Variants in LGI4 observed in about 807,000 individuals in gnomAD.
LGI4 encodes leucine rich repeat LGI family member 4, also known as leucine-rich repeat LGI family member 4.
A neutral mutation model predicts 48.3 loss-of-function variants in LGI4; 36 were observed. That is an observed-to-expected ratio of 0.75 (90% confidence interval 0.57 to 0.98). The LOEUF is 0.98. Ranked by LOEUF, LGI4 falls within the 50% of genes least tolerant of loss-of-function variation. LGI4 has a pLI of 0.00. For synonymous variants in LGI4, 355 were observed against 331.6 expected, an observed-to-expected ratio of 1.07 and a Z score of -0.77; for missense variants, 701 against 732.1, an observed-to-expected ratio of 0.96 and a Z score of 0.49.
Position 35,126,529 on chromosome 19 carries a change from C to T in LGI4, c.1040G>A (p.Arg347His), listed in dbSNP as rs1266368028. Reference protein sequence around the residue: ...SKAGSTTLLCRDGPGFYPHQS... With the variant: ...SKAGSTTLLCHDGPGFYPHQS... ...GTGCGGGTAAAAGCCGGGCCCGTCG[C>T]GGCACAGCAGCGTGGTGCTGCCCGC... is the stretch of plus-strand genomic sequence containing the variant. Residue 347 changes from arginine (R) to histidine (H), a missense_variant, in exon 8 of 9, where the codon CGC becomes CAC. This residue lies in a region of LGI4 where 16 missense variants were observed against 32.5 expected (regional missense o/e 0.49). Transcript: ENST00000310123. The T allele has an allele frequency of 3.2e-6, 5 of 1,542,914 alleles. No individual in the cohort carries two copies. Among genetic ancestry groups the T allele is most frequent in the East Asian group, 2.4e-5 (1 of 41,476 alleles).
intron 6 of LGI4, among the ~76,000 whole-genome samples, chr19:35,128,156 G>A (rs2065152633): frequency 6.6e-6 from 1 of 152,242 alleles, no homozygotes; most frequent in Non-Finnish European, 1.5e-5. Context: ...TACCTGGACA[G>A]CTCACTCCAG....
In LGI4 at chr19:35,133,397, T is replaced by C. The variant is rs1162408553; in HGVS notation, c.314+296A>G. On this transcript the variant is annotated intron_variant, in intron 3 of 8. Transcript: ENST00000310123. Reference sequence around the variant, plus strand: ...TACACCCTTCCTGGGTTTCTATGAGTCAGGGAGAGCCAGAATCAGGCTCTG... The same window carrying C: ...TACACCCTTCCTGGGTTTCTATGAGCCAGGGAGAGCCAGAATCAGGCTCTG... 8.8e-6 allele frequency: 11 copies of C among 1,247,278 alleles called. No homozygotes were observed. The East Asian group carries it at 4.3e-4, about 49-fold the overall frequency. The allele number at this position is 1,247,278 out of a possible 1,614,324, so 77.3% of individuals were successfully genotyped here.
chr19:35,128,959 A>T (rs149916710), intron 6 of LGI4, among the ~76,000 whole-genome samples: 2 of 152,118 alleles, frequency 1.3e-5, no homozygotes, highest in Non-Finnish European at 2.9e-5. Context: ...GAGACCTAAC[A>T]TCCCCACTTG....
At chr19:35,126,026 C>T in intron 8 of LGI4, 1 of 588,164 alleles carries the variant, frequency 1.7e-6, no homozygotes, top group South Asian at 2.0e-5. Flanking sequence ...GTCTGGAATG[C>T]ATCCGAGTCA....
chr19:35,129,869 G>A (rs773397759), intron 6 of LGI4, among the ~76,000 whole-genome samples: 2 of 152,078 alleles, frequency 1.3e-5, no homozygotes, highest in Non-Finnish European at 2.9e-5. Context: ...CCCTGGGAAC[G>A]GAATGTCTCG....
chr19:35,133,354 T>A, intron 3 of LGI4: 1 of 1,136,432 alleles, frequency 8.8e-7, no homozygotes, highest in South Asian at 2.5e-5. Context: ...TTGAAACGTT[T>A]CTTGTCTCTG....
intron 5 of LGI4, 104 bp downstream of exon 5, chr19:35,131,685 A>T (rs946838636): frequency 2.2e-6 from 3 of 1,388,128 alleles, no homozygotes; most frequent in Non-Finnish European, 9.9e-7. Context: ...CGTAAGAACC[A>T]CTGCAGCCAA....
intron 6 of LGI4, among the ~76,000 whole-genome samples, chr19:35,130,671 T>C (rs2065168490): frequency 6.6e-6 from 1 of 152,214 alleles, no homozygotes; most frequent in Non-Finnish European, 1.5e-5. Context: ...CACTCCAGCC[T>C]GGGCAAGAGA....
intron 4 of LGI4, 27 bp from the exon 5 acceptor site, chr19:35,131,887 A>G (rs1449029663): frequency 6.4e-7 from 1 of 1,563,590 alleles, no homozygotes; most frequent in South Asian, 1.2e-5. Flanking sequence ...AGGCACCGTC[A>G]GCAGCCACAA....
In LGI4 at chr19:35,132,143, A is replaced by G. The variant is rs2065180270; in HGVS notation, c.315-101T>C. ...CTGGAAGGTGCTGAATTCTCTTCCAATACCACGGACAATCCCAGGGAAAGC... is the reference window on the plus strand; with the variant it reads ...CTGGAAGGTGCTGAATTCTCTTCCAGTACCACGGACAATCCCAGGGAAAGC... On this transcript the variant is annotated intron_variant, in intron 3 of 8. Transcript: ENST00000310123. 1.0e-5 allele frequency: 10 copies of G among 961,174 alleles called. No homozygotes were observed. The South Asian group carries it at 1.1e-4, about 11-fold the overall frequency. The allele number at this position is 961,174 out of a possible 1,614,324, so 59.5% of individuals were successfully genotyped here. A position where few individuals can be genotyped will look rare whatever the true frequency, so the allele number is the denominator to read the frequency against.
At chr19:35,127,275 T>C (rs1183462423) in intron 6 of LGI4, among the ~76,000 whole-genome samples, 1 of 152,140 alleles carries the variant, frequency 6.6e-6, no homozygotes, top group South Asian at 2.1e-4. Context: ...GCCTCCACCT[T>C]CTAGGCTCAA....
At chr19:35,133,593 C>A in intron 3 of LGI4, 100 bp downstream of exon 3, 1 of 1,493,944 alleles carries the variant, frequency 6.7e-7, no homozygotes, top group South Asian at 1.3e-5. Flanking sequence ...CAAACACCTG[C>A]TCCTCAGGGC....
At chr19:35,133,204 G>T in intron 3 of LGI4, 1 of 282,272 alleles carries the variant, frequency 3.5e-6, no homozygotes. Flanking sequence ...TCAACGCCAT[G>T]ACCCACACCA....
rs1487272542 is a variant in LGI4, at chr19:35,134,860, T to C, written c.-180A>G. ...GCCTTCCTCCCTGTTCGTATGTCTT[T>C]GGTGTCTAATTTTCTGTTTCTCTTT... On this transcript the variant is annotated 5_prime_UTR_variant, in exon 1 of 9. Transcript: ENST00000310123. The C allele has an allele frequency of 1.1e-5, 6 of 528,082 alleles. No homozygotes were observed. The highest frequency in any genetic ancestry group is 2.0e-5 in the African/African-American group (1 of 50,346). The allele number at this position is 528,082 out of a possible 1,614,324, so 32.7% of individuals were successfully genotyped here.
In LGI4 at chr19:35,125,364, A is replaced by G; in HGVS notation, c.1443T>C (p.Leu481=). Residue 481 remains leucine, a synonymous_variant, in exon 9 of 9, where the codon CTT becomes CTC. Coordinates refer to ENST00000310123, the MANE Select transcript of LGI4 (RefSeq NM_139284.3). ...SDFAFSQVLR[L]EPDKGLLEPL... is the part of the protein sequence containing the mutation. ...GCTCCAGGAGCCCCTTGTCAGGCTC[A>G]AGGCGGAGGACCTGGCTGAAGGCGA... 6.2e-7 allele frequency: 1 copy of G among 1,613,462 alleles called. No homozygotes were observed. The highest frequency in any genetic ancestry group is 8.5e-7 in the Non-Finnish European group (1 of 1,179,652).
In LGI4 at chr19:35,134,640, G is replaced by A. The variant is rs766687974; in HGVS notation, c.41C>T (p.Ala14Val). ...AGILLLLLAG[A>V]GVVVAWRPPK... ...GGGTCTCCAGGCCACCACCACCCCCGCCCCAGCCAGCAGCAGCAGCAGAAT... is the reference window on the plus strand; with the variant it reads ...GGGTCTCCAGGCCACCACCACCCCCACCCCAGCCAGCAGCAGCAGCAGAAT... The change falls in exon 1 of 9, where the codon GCG (alanine) becomes GTG (valine). Residue 14 changes from alanine (A) to valine (V), a missense_variant. By Grantham distance (64) the Ala-to-Val change is moderately conservative. Transcript: ENST00000310123. The A allele has an allele frequency of 1.7e-5, 13 of 774,634 alleles. No homozygotes were observed. The highest frequency in any genetic ancestry group is 1.5e-4 in the South Asian group (9 of 61,776). 48.0% of individuals were successfully genotyped at this position (774,634 alleles called of 1,614,324 possible).
At position 35,125,088 on chromosome 19, in the gene LGI4, C is replaced by G. The variant is rs1461077637; in HGVS notation, c.*105G>C. The G allele has an allele frequency of 2.0e-6, 2 of 980,206 alleles. No homozygotes were observed. Among genetic ancestry groups the G allele is most frequent in the African/African-American group, 3.2e-5 (2 of 61,662 alleles). The allele number at this position is 980,206 out of a possible 1,614,324, so 60.7% of individuals were successfully genotyped here. A position where few individuals can be genotyped will look rare whatever the true frequency, so the allele number is the denominator to read the frequency against. ...TAGACGTGTGGCTGATGAACGTGGCCCACGGTCAGCAGCTCACAGGCGGGC... is the reference window on the plus strand; with the variant it reads ...TAGACGTGTGGCTGATGAACGTGGCGCACGGTCAGCAGCTCACAGGCGGGC... On this transcript the variant is annotated 3_prime_UTR_variant, in exon 9 of 9. Coordinates refer to ENST00000310123, the MANE Select transcript of LGI4 (RefSeq NM_139284.3).
chr19:35,126,249 C>A, intron 8 of LGI4, 21 bp downstream of exon 8: 3 of 1,606,716 alleles, frequency 1.9e-6, no homozygotes, highest in Admixed American at 3.4e-5. Context: ...GCCAGCCCCC[C>A]GCCCCCAGGC....
rs759825938 is a variant in LGI4, at chr19:35,131,966, C to T, written c.386+5G>A. 8.8e-6 allele frequency: 14 copies of T among 1,587,054 alleles called. No homozygotes were observed. The highest frequency in any genetic ancestry group is 2.3e-5 in the East Asian group (1 of 43,784). On this transcript the variant is annotated splice_donor_5th_base_variant and intron_variant, in intron 4 of 8. Transcript: ENST00000310123. ...ATGGAGGGCTGGGGCGGTGGAGGCACGCACAGGTGTGTAAGCGAGCGAAGT... is the reference window on the plus strand; with the variant it reads ...ATGGAGGGCTGGGGCGGTGGAGGCATGCACAGGTGTGTAAGCGAGCGAAGT...
Sources: gnomAD v4.1 joint callset for allele counts (sites outside exome capture counted in the v4.1 genomes callset) on GRCh38, gnomAD v4.1.1 for gene constraint, gnomAD v4.1.1 regional missense constraint, MANE v1.5 for transcripts, NCBI Gene and HGNC (gene_info 2026-07-23, HGNC 2026-07-21) for gene names.